The following VSTM2L variants were observed in gnomAD, a reference collection of about 807,000 sequenced individuals.
VSTM2L encodes the protein V-set and transmembrane domain containing 2 like.
Under a neutral mutation model 19.9 loss-of-function variants are expected in VSTM2L, and 9 were observed. The observed-to-expected ratio is 0.45, with a 90% confidence interval of 0.27 to 0.79. VSTM2L has a LOEUF of 0.79. Among genes scored for constraint, VSTM2L ranks in the 30% least tolerant of loss-of-function variants. The pLI, the probability that VSTM2L is intolerant of heterozygous loss-of-function variation, is 0.15. For missense variants in VSTM2L, 286 were observed against 295.5 expected (o/e 0.97, Z 0.24); for synonymous variants, 127 against 133.8 (o/e 0.95, Z 0.35).
At chr20:37,937,843 G>A (rs572564701) in intron 3 of VSTM2L, among the ~76,000 whole-genome samples, 1 of 152,334 alleles carries the variant, frequency 6.6e-6, no homozygotes, top group Admixed American at 6.5e-5. Flanking sequence ...GGGGGGCCAG[G>A]AGGGCTTCCT....
chr20:37,933,434 C>A, intron 2 of VSTM2L, 105 bp from the exon 3 acceptor site: 2 of 917,330 alleles, frequency 2.2e-6, no homozygotes, highest in South Asian at 1.6e-5. Flanking sequence ...AGAATCTTAG[C>A]GGTTGTCCGT....
rs79380481 is a variant in VSTM2L at position 37,920,436 on chromosome 20, C to G, written c.122-11199C>G. ...GGTTGGGGAGCTACTGGCGAAGCAG[C>G]CACCCACTCCTGGCACTGTCAGCCT... On this transcript the variant is annotated intron_variant, in intron 1 of 3. Coordinates refer to ENST00000373461, the MANE Select transcript of VSTM2L (RefSeq NM_080607.3). 1.4e-4 allele frequency among the ~76,000 whole-genome samples: 22 copies of G among 152,376 alleles called. No homozygotes were observed. In the East Asian group the frequency reaches 3.7e-3, roughly 25 times the overall value.
chr20:37,915,372 G>T (rs117893093), intron 1 of VSTM2L, among the ~76,000 whole-genome samples: 6,578 of 152,224 alleles, frequency 0.043, 199 homozygotes, highest in South Asian at 0.14. Flanking sequence ...CTGGGGTGGG[G>T]CCCAACCCCT....
intron 1 of VSTM2L, among the ~76,000 whole-genome samples, chr20:37,927,408 G>A (rs1229483165): frequency 6.6e-6 from 1 of 151,886 alleles, no homozygotes; most frequent in African/African-American, 2.4e-5. Flanking sequence ...TTCCATGCGC[G>A]CCTTGCAGTG....
At chr20:37,933,418 G>A in intron 2 of VSTM2L, 121 bp from the exon 3 acceptor site, 1 of 803,312 alleles carries the variant, frequency 1.2e-6, no homozygotes, top group Middle Eastern at 3.7e-4. Flanking sequence ...CTCATCTGCT[G>A]TCGTGAGAAT....
chr20:37,921,429 C>G (rs370695152), intron 1 of VSTM2L, among the ~76,000 whole-genome samples: 2 of 152,112 alleles, frequency 1.3e-5, no homozygotes, highest in African/African-American at 4.8e-5. Flanking sequence ...CCAGGCAGCC[C>G]GGAGTAGGGA....
chr20:37,934,904 C>G (rs763198252), intron 3 of VSTM2L, among the ~76,000 whole-genome samples: 1 of 152,160 alleles, frequency 6.6e-6, no homozygotes, highest in East Asian at 1.9e-4. Context: ...CCATTTTTAT[C>G]CAGCTCAGGG....
In VSTM2L at chr20:37,911,980, A is replaced by G. The variant is rs544348215; in HGVS notation, c.121+8509A>G. Among the ~76,000 whole-genome samples the G allele has an allele frequency of 1.1e-4, 17 of 152,308 alleles. No homozygotes were observed. In the South Asian group the frequency reaches 3.5e-3, roughly 32 times the overall value. On this transcript the variant is annotated intron_variant, in intron 1 of 3. Transcript: ENST00000373461. Reference sequence around the variant, plus strand: ...GGATTCCATCAGCACCTTAACTCTCAGTGGCCTGCAGGCATCTGCGGACCA... The same window carrying G: ...GGATTCCATCAGCACCTTAACTCTCGGTGGCCTGCAGGCATCTGCGGACCA...
intron 1 of VSTM2L, among the ~76,000 whole-genome samples, chr20:37,922,773 G>A (rs2072858945): frequency 6.6e-6 from 1 of 152,146 alleles, no homozygotes; most frequent in Non-Finnish European, 1.5e-5. Context: ...AGGGAGCTGG[G>A]GGCTGCCTGT....
In VSTM2L at chr20:37,928,239, C is replaced by T. The variant is rs968043586; in HGVS notation, c.122-3396C>T. On this transcript the variant is annotated intron_variant, in intron 1 of 3. Transcript: ENST00000373461. ...GAGGGATGTGAATCAAGGCAGAATC[C>T]GCCATCCTGGGGGAGGGACAAGCAA... is the stretch of plus-strand genomic sequence containing the variant. Among the ~76,000 whole-genome samples the T allele has an allele frequency of 7.2e-5, 11 of 152,134 alleles. No homozygotes were observed. In the East Asian group the frequency reaches 1.2e-3, roughly 16 times the overall value.
intron 1 of VSTM2L, among the ~76,000 whole-genome samples, chr20:37,920,893 C>A (rs112454510): frequency 0.015 from 1,781 of 119,792 alleles, 30 homozygotes; most frequent in African/African-American, 0.055. Context: ...TTCCTTTCTC[C>A]CTTGATTGAT....
intron 1 of VSTM2L, among the ~76,000 whole-genome samples, chr20:37,908,615 C>G (rs975447981): frequency 6.6e-6 from 1 of 152,064 alleles, no homozygotes; most frequent in Non-Finnish European, 1.5e-5. Context: ...GAGTTTGAGA[C>G]CAGCCTGGAC....
chr20:37,906,078 C>A (rs1464760103), intron 1 of VSTM2L, among the ~76,000 whole-genome samples: 6 of 151,000 alleles, frequency 4.0e-5, no homozygotes, highest in Non-Finnish European at 7.4e-5. Context: ...GAAGCAGGGG[C>A]TCCTGGGGAG....
intron 1 of VSTM2L, among the ~76,000 whole-genome samples, chr20:37,916,227 T>C (rs2072817826): frequency 6.6e-6 from 1 of 152,212 alleles, no homozygotes; most frequent in South Asian, 2.1e-4. Flanking sequence ...CAGGATGTAC[T>C]GGGGAGAATG....
chr20:37,908,261 G>T (rs1568833248), intron 1 of VSTM2L, among the ~76,000 whole-genome samples: 1 of 152,206 alleles, frequency 6.6e-6, no homozygotes, highest in Admixed American at 6.5e-5. Flanking sequence ...TGACAGCAAG[G>T]ATGGTGGGCA....
chr20:37,931,998 C>T (rs533492229), intron 2 of VSTM2L, among the ~76,000 whole-genome samples, 194 bp downstream of exon 2: 49 of 152,282 alleles, frequency 3.2e-4, no homozygotes, highest in Admixed American at 1.7e-3. Context: ...TTTGGGGGAA[C>T]GGGCAGGAGG....
chr20:37,943,232 G>T (rs2072983785), intron 3 of VSTM2L, among the ~76,000 whole-genome samples: 1 of 151,862 alleles, frequency 6.6e-6, no homozygotes, highest in Non-Finnish European at 1.5e-5. Context: ...GCCTCCCTCG[G>T]CCTCCCAAAG....
intron 2 of VSTM2L, among the ~76,000 whole-genome samples, chr20:37,933,327 T>G (rs2072921263): frequency 6.6e-6 from 1 of 152,224 alleles, no homozygotes; most frequent in Non-Finnish European, 1.5e-5. Context: ...ACCTCCATTA[T>G]CTTCTTTTGC....
At chr20:37,928,000 C>T (rs2072888024) in intron 1 of VSTM2L, among the ~76,000 whole-genome samples, 1 of 152,198 alleles carries the variant, frequency 6.6e-6, no homozygotes, top group Non-Finnish European at 1.5e-5. Flanking sequence ...GATAGTTCTG[C>T]AGCCATTTCC....
Sources: gnomAD v4.1 joint callset for allele counts (sites outside exome capture counted in the v4.1 genomes callset) on GRCh38, gnomAD v4.1.1 for gene constraint, MANE v1.5 for transcripts, NCBI Gene and HGNC (gene_info 2026-07-23, HGNC 2026-07-21) for gene names.